Variants in MYCBPAP observed in about 807,000 individuals in gnomAD.
MYCBPAP encodes the protein MYCBP-associated protein.
In MYCBPAP, 60 loss-of-function variants were observed where a neutral mutation model predicts 106.1. The ratio of observed to expected loss-of-function variants is 0.57; its 90% CI spans 0.46 to 0.70. MYCBPAP has a LOEUF of 0.70. Ranked by LOEUF, MYCBPAP falls within the 30% of genes least tolerant of loss-of-function variation. The probability of loss-of-function intolerance (pLI) is 0.00; values close to 1 mark genes in which losing one functional copy is unlikely to be tolerated. For missense variants in MYCBPAP, 1,064 were observed against 1,169.3 expected (o/e 0.91, Z 1.31); for synonymous variants, 407 against 440.6 (o/e 0.92, Z 0.95).
intron 14 of MYCBPAP, 143 bp from the exon 15 acceptor site, chr17:50,527,144 C>A: frequency 1.7e-6 from 2 of 1,195,274 alleles, no homozygotes; most frequent in Non-Finnish European, 1.2e-6. Flanking sequence ...CTGGCTCCCA[C>A]CAAAGGCACC....
At chr17:50,519,358 C>T (rs1165525216) in intron 6 of MYCBPAP, 1 of 585,446 alleles carries the variant, frequency 1.7e-6, no homozygotes, top group Admixed American at 3.0e-5. Flanking sequence ...TGAGTGGAGC[C>T]TACACCCTAA....
At chr17:50,519,121 A>G (rs1432853018) in intron 6 of MYCBPAP, 32 bp downstream of exon 6, 11 of 609,124 alleles carry the variant, frequency 1.8e-5, no homozygotes, top group South Asian at 5.3e-5. Flanking sequence ...GCCCGGGGGC[A>G]GGGGGGTCCA....
chr17:50,517,703 G>A lies in MYCBPAP; in HGVS notation c.468+5G>A, dbSNP rs764373787. 2.5e-6 allele frequency: 4 copies of A among 1,613,110 alleles called. No homozygotes were observed. In the Admixed American group the frequency reaches 6.7e-5, roughly 27 times the overall value. On this transcript the variant is annotated splice_donor_5th_base_variant and intron_variant, in intron 4 of 18. Transcript: ENST00000323776. ...CTTGCTCGAGGGAACACCCAGGTTT[G>A]TTTGCACAGAACTACCCGGATGAGA...
chr17:50,510,381 CATT>C (rs1397323277), intron 1 of MYCBPAP: 3 of 149,812 alleles, frequency 2.0e-5, no homozygotes, highest in Non-Finnish European at 4.4e-5. Flanking sequence ...GTGAGACCCC[CATT>C]ATTAAAAAAA....
rs201966035 is a variant in MYCBPAP at position 50,517,470 on chromosome 17, C to T, written c.364+18C>T. 88 of 1,614,060 alleles carry T rather than the reference C, an allele frequency of 5.5e-5. No individual in the cohort carries two copies. The highest frequency in any genetic ancestry group is 7.2e-5 in the Non-Finnish European group (85 of 1,180,040). On this transcript the variant is annotated intron_variant, in intron 3 of 18. Coordinates refer to ENST00000323776, the MANE Select transcript of MYCBPAP (RefSeq NM_032133.6). ...CTACTCCGGTACACCCAGTCTCAGCCCTGGCTTCACTGTCTTTCAACTCAT... is the reference window on the plus strand; with the variant it reads ...CTACTCCGGTACACCCAGTCTCAGCTCTGGCTTCACTGTCTTTCAACTCAT...
chr17:50,515,439 C>T (rs1471149955), intron 1 of MYCBPAP, among the ~76,000 whole-genome samples: 1 of 152,196 alleles, frequency 6.6e-6, no homozygotes, highest in Non-Finnish European at 1.5e-5. Flanking sequence ...GGTGAATGCT[C>T]TGCTTCCCCC....
rs117747634 is a variant in MYCBPAP at position 50,521,747 on chromosome 17, T to A, written c.1149-226T>A. On this transcript the variant is annotated intron_variant, in intron 9 of 18. Coordinates refer to ENST00000323776, the MANE Select transcript of MYCBPAP (RefSeq NM_032133.6). ...GGAGAGTCTGTGTATTTCTGTGTAC[T>A]GTGAGTGGCTCTGGCAAGAGGGCTT... Among the ~76,000 whole-genome samples, 776 of 152,328 alleles carry A rather than the reference T, an allele frequency of 5.1e-3. 1 individual carries two copies. The highest frequency in any genetic ancestry group is 8.9e-3 in the Admixed American group (136 of 15,310).
At chr17:50,519,582 C>T (rs1436494453) in intron 6 of MYCBPAP, 58 bp from the exon 7 acceptor site, 4 of 1,599,382 alleles carry the variant, frequency 2.5e-6, no homozygotes, top group Non-Finnish European at 3.4e-6. Flanking sequence ...TCCCACATCT[C>T]CACCAGCATC....
Position 50,508,509 on chromosome 17 carries a change from A to G in MYCBPAP, c.-166A>G, listed in dbSNP as rs1279402683. On this transcript the variant is annotated 5_prime_UTR_variant, in exon 1 of 19. Transcript: ENST00000323776. ...CGCGTGCGCGGCCCGATGAAGAAGG[A>G]GGTTTCCAAGCCGTCTCCGCCCAAG... 35 of 1,526,088 alleles carry G rather than the reference A, an allele frequency of 2.3e-5. No individual in the cohort carries two copies. The highest frequency in any genetic ancestry group is 2.9e-5 in the Non-Finnish European group (33 of 1,137,674). 94.5% of individuals were successfully genotyped at this position (1,526,088 alleles called of 1,614,324 possible).
chr17:50,530,847 A>G (rs1252553083), intron 18 of MYCBPAP, among the ~76,000 whole-genome samples: 3 of 151,920 alleles, frequency 2.0e-5, no homozygotes, highest in African/African-American at 7.3e-5. Flanking sequence ...ACTTAGCTCT[A>G]GTATCTCCAT....
chr17:50,523,158 GCTCCTGTCT>G, intron 11 of MYCBPAP, 30 bp downstream of exon 11: 1 of 1,602,074 alleles, frequency 6.2e-7, no homozygotes, highest in Non-Finnish European at 8.5e-7. Flanking sequence ...CTATGTGCTA[GCTCCTGTCT>G]GGGGCTGGTT....
intron 16 of MYCBPAP, 102 bp downstream of exon 16, chr17:50,528,372 C>T (rs1405866408): frequency 3.7e-6 from 4 of 1,072,896 alleles, no homozygotes; most frequent in Non-Finnish European, 4.2e-6. Context: ...TTGGTGGAAG[C>T]TCTGCTAGGT....
intron 1 of MYCBPAP, chr17:50,514,832 AT>A (rs752932062): frequency 1.9e-4 from 75 of 387,498 alleles, no homozygotes; most frequent in South Asian, 1.0e-3. Context: ...TAATTTTTTG[AT>A]TTTTTTTATA....
At chr17:50,528,010 C>A in intron 15 of MYCBPAP, 145 bp from the exon 16 acceptor site, 1 of 697,346 alleles carries the variant, frequency 1.4e-6, no homozygotes, top group Non-Finnish European at 2.5e-6. Context: ...TGGCGGGGAA[C>A]AGTGAGGATG....
At chr17:50,529,971 A>G in intron 18 of MYCBPAP, 1 of 417,514 alleles carries the variant, frequency 2.4e-6, no homozygotes, top group South Asian at 1.7e-5. Flanking sequence ...TCAATATGTC[A>G]GTATGTCTAT....
At chr17:50,514,912 A>T (rs1233949179) in intron 1 of MYCBPAP, 1 of 453,546 alleles carries the variant, frequency 2.2e-6, no homozygotes, top group East Asian at 7.1e-5. Context: ...AGATCTTGCA[A>T]CTCTTAATCC....
rs145596456 is a variant in MYCBPAP, at chr17:50,521,129, C to T, written c.936C>T (p.Asp312=). 4.7e-5 allele frequency: 76 copies of T among 1,613,032 alleles called. No individual in the cohort carries two copies. The African/African-American group carries it at 6.4e-4, about 14-fold the overall frequency. Residue 312 remains aspartate, a synonymous_variant, in exon 8 of 19, where the codon GAC becomes GAT. Coordinates refer to ENST00000323776, the MANE Select transcript of MYCBPAP (RefSeq NM_032133.6). ...RVETGLPAQR[D]ASYRYTWDRS... ...TGCTAGGATTACCAGCCCAGAGGGA[C>T]GCTTCATACCGCTACACCTGGGATC...
chr17:50,510,506 T>C (rs1480267838), intron 1 of MYCBPAP: 18 of 99,160 alleles, frequency 1.8e-4, no homozygotes, highest in African/African-American at 9.9e-4. Context: ...TGTGTATATA[T>C]ATATATATAT....
At chr17:50,510,493 G>GTA (rs2033791881) in intron 1 of MYCBPAP, 5 of 99,066 alleles carry the variant, frequency 5.0e-5, no homozygotes, top group Non-Finnish European at 3.9e-5. Context: ...GTGTGTGTGT[G>GTA]TGTGTGTATA....
Sources: allele counts gnomAD v4.1 joint callset (sites outside exome capture counted in the v4.1 genomes callset), GRCh38; gene constraint gnomAD v4.1.1; transcripts MANE v1.5; gene names NCBI Gene and HGNC (gene_info 2026-07-23, HGNC 2026-07-21).